The following UNC5D variants were observed in gnomAD, a reference collection of about 807,000 sequenced individuals.
The protein encoded by UNC5D is netrin receptor UNC5D.
A neutral mutation model predicts 105.4 loss-of-function variants in UNC5D; 39 were observed. The observed-to-expected ratio is 0.37, with a 90% CI of 0.29 to 0.48. The LOEUF (loss-of-function observed/expected upper bound fraction) is 0.48. Ranked by LOEUF, UNC5D falls within the 20% of genes least tolerant of loss-of-function variation. The probability of loss-of-function intolerance (pLI) is 0.98; values close to 1 mark genes in which losing one functional copy is unlikely to be tolerated. For synonymous variants in UNC5D, 452 were observed against 450.4 expected (o/e 1.00, Z -0.04); for missense variants, 991 against 1,202.4 (o/e 0.82, Z 2.60).
chr8:35,419,063 C>T (rs541012213), intron 1 of UNC5D, among the ~76,000 whole-genome samples: 3 of 152,198 alleles, frequency 2.0e-5, no homozygotes, highest in Admixed American at 6.5e-5. Context: ...CAGAGAAATT[C>T]ACAGCTCTAT....
chr8:35,580,020 G>T (rs1818369817), intron 3 of UNC5D, among the ~76,000 whole-genome samples: 2 of 152,168 alleles, frequency 1.3e-5, no homozygotes, highest in African/African-American at 4.8e-5. Flanking sequence ...AGAGTTTATG[G>T]CTGCTTAGAT....
At chr8:35,505,216 T>A (rs1812231712) in intron 1 of UNC5D, among the ~76,000 whole-genome samples, 1 of 152,238 alleles carries the variant, frequency 6.6e-6, no homozygotes, top group Non-Finnish European at 1.5e-5. Context: ...GATGACCTGT[T>A]TTCTAAATTT....
intron 1 of UNC5D, among the ~76,000 whole-genome samples, chr8:35,456,610 G>T (rs1057016730): frequency 6.6e-6 from 1 of 152,160 alleles, no homozygotes; most frequent in Non-Finnish European, 1.5e-5. Flanking sequence ...AGTGTGACTT[G>T]TCAAAGCGTC....
At chr8:35,396,254 G>T (rs145426346) in intron 1 of UNC5D, among the ~76,000 whole-genome samples, 2 of 152,178 alleles carry the variant, frequency 1.3e-5, no homozygotes, top group South Asian at 2.1e-4. Context: ...AGGACTCAGC[G>T]TATGGTTGTA....
At chr8:35,477,554 A>G (rs1810193607) in intron 1 of UNC5D, among the ~76,000 whole-genome samples, 1 of 152,128 alleles carries the variant, frequency 6.6e-6, no homozygotes, top group Admixed American at 6.6e-5. Context: ...GTATGTGGAG[A>G]AAATTTGCAT....
intron 1 of UNC5D, among the ~76,000 whole-genome samples, chr8:35,480,340 AT>A (rs1810400073): frequency 6.6e-6 from 1 of 152,164 alleles, no homozygotes; most frequent in Non-Finnish European, 1.5e-5. Flanking sequence ...CAAAACAACC[AT>A]GATACAATCT....
At chr8:35,443,043 C>G (rs1199806781) in intron 1 of UNC5D, among the ~76,000 whole-genome samples, 1 of 151,738 alleles carries the variant, frequency 6.6e-6, no homozygotes. Flanking sequence ...TCTGGGTTTA[C>G]AACCAGTAAT....
intron 4 of UNC5D, among the ~76,000 whole-genome samples, chr8:35,630,886 TCA>T (rs1252792546): frequency 6.6e-6 from 1 of 152,230 alleles, no homozygotes; most frequent in Non-Finnish European, 1.5e-5. Flanking sequence ...CCCCAAGGAT[TCA>T]AGATAGCACT....
intron 1 of UNC5D, among the ~76,000 whole-genome samples, chr8:35,335,131 T>C (rs1194132643): frequency 1.3e-5 from 2 of 152,358 alleles, no homozygotes; most frequent in African/African-American, 2.4e-5. Flanking sequence ...TTGCTTTTTC[T>C]TGCTGAATAG....
At chr8:35,653,935 A>T (rs2131194702) in intron 4 of UNC5D, among the ~76,000 whole-genome samples, 1 of 151,996 alleles carries the variant, frequency 6.6e-6, no homozygotes, top group East Asian at 1.9e-4. Flanking sequence ...TTATTTCCTC[A>T]TGTACTTAGT....
chr8:35,351,431 TCAGGCTGGTAGAACAATG>T, intron 1 of UNC5D, among the ~76,000 whole-genome samples: 1 of 152,136 alleles, frequency 6.6e-6, no homozygotes, highest in South Asian at 2.1e-4. Flanking sequence ...TTTTAGAAAG[TCAGGCTGGTAGAACAATG>T]CAGTTTAAAT....
chr8:35,599,854 A>G lies in UNC5D; in HGVS notation c.570+4197A>G, dbSNP rs191326727. On this transcript the variant is annotated intron_variant, in intron 4 of 16. Transcript: ENST00000404895. ...TTTAGGGTACATGTGCACAACGTGC[A>G]GGTTAGTTACATAAGTATACATGCG... 5.8e-3 allele frequency among the ~76,000 whole-genome samples: 890 copies of G among 152,300 alleles called. 6 individuals carry two copies. Among genetic ancestry groups the G allele is most frequent in the Non-Finnish European group, 7.4e-3 (504 of 68,036 alleles).
intron 4 of UNC5D, among the ~76,000 whole-genome samples, chr8:35,679,987 T>A (rs1239295140): frequency 1.3e-5 from 2 of 152,138 alleles, no homozygotes; most frequent in Non-Finnish European, 2.9e-5. Flanking sequence ...CAGGCAAATA[T>A]TCGAGGTCAG....
rs1803190553 is a variant in UNC5D, at chr8:35,794,737, A to G, written c.*4174A>G. The G allele has an allele frequency of 6.6e-6, 1 of 152,608 alleles. No individual in the cohort carries two copies. 9.5% of individuals were successfully genotyped at this position (152,608 alleles called of 1,614,324 possible). On this transcript the variant is annotated 3_prime_UTR_variant, in exon 17 of 17. Transcript: ENST00000404895. Reference sequence around the variant, plus strand: ...TGCCGTTACAAAGCTGTTTGGCTGTATTGACAGCATGTGGTGTTTTTACAA... The same window carrying G: ...TGCCGTTACAAAGCTGTTTGGCTGTGTTGACAGCATGTGGTGTTTTTACAA...
In UNC5D at chr8:35,748,671, G is replaced by C; in HGVS notation, c.1911G>C (p.Lys637Asn). 1 of 1,613,846 alleles carries C rather than the reference G, an allele frequency of 6.2e-7. No homozygotes were observed. The highest frequency in any genetic ancestry group is 8.5e-7 in the Non-Finnish European group (1 of 1,179,846). ...SSEHWNIHLK[K>N]RTQQGKWEEV... ...AGCATTGGAATATCCATTTAAAGAA[G>C]AGGACACAGCAGGGCAAATGGGAGG... Residue 637 changes from lysine (K) to asparagine (N), a missense_variant, in exon 12 of 17, where the codon AAG becomes AAC. Transcript: ENST00000404895.
chr8:35,548,518 T>C (rs1279320444), intron 1 of UNC5D, among the ~76,000 whole-genome samples: 1 of 152,176 alleles, frequency 6.6e-6, no homozygotes, highest in African/African-American at 2.4e-5. Flanking sequence ...AGTACAGTTT[T>C]CCCTCCTGCA....
At chr8:35,763,132 ATTATTT>A (rs1404795914) in intron 14 of UNC5D, among the ~76,000 whole-genome samples, 1 of 152,310 alleles carries the variant, frequency 6.6e-6, no homozygotes, top group East Asian at 1.9e-4. Context: ...TTCTAATTCT[ATTATTT>A]TTAAGTGTTT....
intron 8 of UNC5D, among the ~76,000 whole-genome samples, chr8:35,719,521 A>C (rs1231257328): frequency 6.6e-6 from 1 of 152,166 alleles, no homozygotes. Flanking sequence ...GAAGTGTAAA[A>C]TGTGGCTTTG....
At chr8:35,247,596 TAATATATAAATATATATTATATATAA>T (rs1803211906) in intron 1 of UNC5D, among the ~76,000 whole-genome samples, 1 of 101,144 alleles carries the variant, frequency 9.9e-6, no homozygotes, top group East Asian at 2.5e-4. Context: ...AAAATATATA[TAATATATAAATATATATTATATATAA>T]AATATATATA....
Sources: gnomAD v4.1 joint callset for allele counts (sites outside exome capture counted in the v4.1 genomes callset) on GRCh38, gnomAD v4.1.1 for gene constraint, MANE v1.5 for transcripts, NCBI Gene and HGNC (gene_info 2026-07-23, HGNC 2026-07-21) for gene names.